The following SH3RF1 variants were observed in gnomAD, a reference collection of about 807,000 sequenced individuals.
SH3RF1 encodes SH3 domain containing ring finger 1, also known as E3 ubiquitin-protein ligase SH3RF1.
In SH3RF1, 32 loss-of-function variants were observed where a neutral mutation model predicts 74.0. The ratio of observed to expected loss-of-function variants is 0.43; its 90% CI spans 0.33 to 0.58. The LOEUF (loss-of-function observed/expected upper bound fraction) is 0.58. Ranked by LOEUF, SH3RF1 falls within the 20% of genes least tolerant of loss-of-function variation. SH3RF1 has a pLI of 0.05. For synonymous variants in SH3RF1, 396 were observed against 439.6 expected, an observed-to-expected ratio of 0.90 and a Z score of 1.24; for missense variants, 954 against 1,130.9, an observed-to-expected ratio of 0.84 and a Z score of 2.24.
chr4:169,195,103 CTGTT>C (rs1445775427), intron 2 of SH3RF1, among the ~76,000 whole-genome samples: 4 of 152,088 alleles, frequency 2.6e-5, no homozygotes, highest in African/African-American at 7.2e-5. Flanking sequence ...TAGCTAAAGT[CTGTT>C]TGTTGGTATC....
rs190171401 is a variant in SH3RF1 at position 169,157,402 on chromosome 4, C to T, written c.394-723G>A. 1.1e-4 allele frequency among the ~76,000 whole-genome samples: 16 copies of T among 152,308 alleles called. No individual in the cohort carries two copies. In the East Asian group the frequency reaches 2.3e-3, roughly 22 times the overall value. On this transcript the variant is annotated intron_variant, in intron 2 of 11. Transcript: ENST00000284637. ...TCCTGGAAGAGAGCACATTGTTAGG[C>T]TGATAAGCTAAGAGATGAGGAATTT...
At chr4:169,132,262 T>C (rs1255756137) in intron 5 of SH3RF1, among the ~76,000 whole-genome samples, 3 of 152,204 alleles carry the variant, frequency 2.0e-5, no homozygotes, top group Non-Finnish European at 2.9e-5. Flanking sequence ...AAGATATCAT[T>C]ATTGATTGAC....
At chr4:169,245,044 A>G (rs1730973421) in intron 2 of SH3RF1, among the ~76,000 whole-genome samples, 2 of 152,208 alleles carry the variant, frequency 1.3e-5, no homozygotes. Flanking sequence ...TGATAGTAGG[A>G]CTGGCATCAA....
chr4:169,185,621 C>T (rs1734587663), intron 2 of SH3RF1, among the ~76,000 whole-genome samples: 1 of 152,006 alleles, frequency 6.6e-6, no homozygotes. Context: ...GGTGTAGTTT[C>T]AGGTTGGGAG....
At chr4:169,148,919 C>T (rs768189384) in intron 4 of SH3RF1, among the ~76,000 whole-genome samples, 3 of 152,094 alleles carry the variant, frequency 2.0e-5, no homozygotes, top group Non-Finnish European at 4.4e-5. Context: ...TTAACTAGGG[C>T]CCTGGGTACA....
At chr4:169,256,317 G>A (rs1010811629) in intron 2 of SH3RF1, among the ~76,000 whole-genome samples, 2 of 151,920 alleles carry the variant, frequency 1.3e-5, no homozygotes, top group Non-Finnish European at 2.9e-5. Flanking sequence ...GAGGAAGGAA[G>A]GGAGGGAGAA....
chr4:169,142,540 T>G (rs1245840665), intron 4 of SH3RF1, among the ~76,000 whole-genome samples: 2 of 152,224 alleles, frequency 1.3e-5, no homozygotes, highest in Middle Eastern at 3.2e-3. Flanking sequence ...TGGTTTTGCA[T>G]AAAGAATAAG....
chr4:169,195,884 T>C (rs758323334), intron 2 of SH3RF1, among the ~76,000 whole-genome samples: 1 of 152,220 alleles, frequency 6.6e-6, no homozygotes, highest in Non-Finnish European at 1.5e-5. Context: ...AGTCTCACTT[T>C]GTTGCCCAGG....
intron 2 of SH3RF1, among the ~76,000 whole-genome samples, chr4:169,258,523 G>A (rs1161871738): frequency 3.9e-5 from 6 of 152,028 alleles, no homozygotes; most frequent in Non-Finnish European, 7.4e-5. Flanking sequence ...AAAATAATAC[G>A]ATCTACCAAA....
rs745530797 is a variant in SH3RF1 at position 169,107,078 on chromosome 4, G to A, written c.2267C>T (p.Ala756Val). The A allele has an allele frequency of 2.3e-5, 37 of 1,613,810 alleles. No individual in the cohort carries two copies. Among genetic ancestry groups the A allele is most frequent in the East Asian group, 1.6e-4 (7 of 44,892 alleles). Reference protein sequence around the residue: ...LGSAELPLQGAVGPELPPGGG... With the variant: ...LGSAELPLQGVVGPELPPGGG... Reference sequence around the variant, plus strand: ...TCCTGGTGGCAGTTCGGGCCCCACCGCTCCCTGGAGAGGAAGCTCTGCACT... The same window carrying A: ...TCCTGGTGGCAGTTCGGGCCCCACCACTCCCTGGAGAGGAAGCTCTGCACT... The change falls in exon 11 of 12, where the codon GCG (alanine) becomes GTG (valine). Residue 756 changes from alanine to valine, a missense_variant. Ala to Val is a moderately conservative substitution (Grantham distance 64). Coordinates refer to ENST00000284637, the MANE Select transcript of SH3RF1 (RefSeq NM_020870.4).
At chr4:169,146,980 C>G (rs978035893) in intron 4 of SH3RF1, among the ~76,000 whole-genome samples, 1 of 152,076 alleles carries the variant, frequency 6.6e-6, no homozygotes, top group Non-Finnish European at 1.5e-5. Context: ...AATGTGCATA[C>G]AAATTTAAAA....
intron 2 of SH3RF1, among the ~76,000 whole-genome samples, chr4:169,160,659 G>T (rs1734136149): frequency 6.6e-6 from 1 of 152,092 alleles, no homozygotes; most frequent in Admixed American, 6.6e-5. Flanking sequence ...ATTCTATGAG[G>T]CTAGAAAGCC....
chr4:169,104,696 G>A (rs1259208702), intron 11 of SH3RF1, among the ~76,000 whole-genome samples: 1 of 152,086 alleles, frequency 6.6e-6, no homozygotes, highest in Admixed American at 6.5e-5. Context: ...GAGCTCAGGA[G>A]TTCGAGACCA....
At chr4:169,146,232 C>CATTT (rs1554005769) in intron 4 of SH3RF1, among the ~76,000 whole-genome samples, 4 of 132,628 alleles carry the variant, frequency 3.0e-5, no homozygotes, top group Non-Finnish European at 4.8e-5. Flanking sequence ...TATATATATA[C>CATTT]TTTTTTTTTT....
chr4:169,160,924 G>A (rs929913733), intron 2 of SH3RF1, among the ~76,000 whole-genome samples: 1 of 152,164 alleles, frequency 6.6e-6, no homozygotes, highest in African/African-American at 2.4e-5. Flanking sequence ...AATATGTCTG[G>A]AGCCCATGGA....
At chr4:169,118,604 C>T (rs1203516479) in intron 8 of SH3RF1, among the ~76,000 whole-genome samples, 4 of 151,850 alleles carry the variant, frequency 2.6e-5, no homozygotes, top group Admixed American at 6.6e-5. Flanking sequence ...TACAGGCACG[C>T]GCCACCATGC....
At chr4:169,186,328 C>T (rs998959867) in intron 2 of SH3RF1, among the ~76,000 whole-genome samples, 2 of 151,794 alleles carry the variant, frequency 1.3e-5, no homozygotes, top group Non-Finnish European at 2.9e-5. Context: ...ACATACTGCA[C>T]ATGTACCCAT....
chr4:169,178,320 A>ATGCTTATTTAAAAAAATAAGCAACTC (rs1734455720), intron 2 of SH3RF1, among the ~76,000 whole-genome samples: 1 of 50,478 alleles, frequency 2.0e-5, no homozygotes, highest in African/African-American at 4.3e-5. Flanking sequence ...ATAAGCAACT[A>ATGCTTATTTAAAAAAATAAGCAACTC]TGCTTATTTA....
At chr4:169,159,613 T>C (rs1734119803) in intron 2 of SH3RF1, among the ~76,000 whole-genome samples, 1 of 152,180 alleles carries the variant, frequency 6.6e-6, no homozygotes, top group Non-Finnish European at 1.5e-5. Flanking sequence ...TGAATTCATA[T>C]ATATAAGCCA....
Sources: gnomAD v4.1 joint callset for allele counts (sites outside exome capture counted in the v4.1 genomes callset) on GRCh38, gnomAD v4.1.1 for gene constraint, MANE v1.5 for transcripts, NCBI Gene and HGNC (gene_info 2026-07-23, HGNC 2026-07-21) for gene names.